STAMBPL1: variants seen among roughly 807,000 people sequenced by gnomAD.
STAMBPL1 encodes AMSH-like protease.
In STAMBPL1, 44 loss-of-function variants were observed where a neutral mutation model predicts 52.9. The ratio of observed to expected loss-of-function variants is 0.83; its 90% CI spans 0.65 to 1.07. STAMBPL1 has a LOEUF of 1.07. STAMBPL1 is among the 50% of genes least tolerant of loss of function. The pLI, the probability that STAMBPL1 is intolerant of heterozygous loss-of-function variation, is 0.00. For missense variants in STAMBPL1, 511 were observed against 520.8 expected, an observed-to-expected ratio of 0.98 and a Z score of 0.18; for synonymous variants, 164 against 177.3, an observed-to-expected ratio of 0.92 and a Z score of 0.60.
chr10:88,898,060 GT>G (rs1362174464), intron 1 of STAMBPL1, among the ~76,000 whole-genome samples: 1 of 152,094 alleles, frequency 6.6e-6, no homozygotes, highest in Admixed American at 6.5e-5. Flanking sequence ...AGCATAGTGA[GT>G]TTTTGTTTTG....
chr10:88,894,078 C>G (rs557304063), intron 1 of STAMBPL1, among the ~76,000 whole-genome samples: 1 of 152,212 alleles, frequency 6.6e-6, no homozygotes, highest in African/African-American at 2.4e-5. Context: ...TGAGTGTTTC[C>G]TGGCACCAAG....
Position 88,910,961 on chromosome 10 carries a change from G to A in STAMBPL1, c.370G>A (p.Asp124Asn), listed in dbSNP as rs1330940358. ...CCCAAGGACAGATGAATTGAAAAAC[G>A]ACCTTTTAAAGAAATATAACGTAGA... is the stretch of plus-strand genomic sequence containing the variant. The part of the protein sequence containing the change: ...AFPRTDELKN[D>N]LLKKYNVEYQ... The change falls in exon 5 of 11, where the codon GAC becomes AAC. Residue 124 changes from aspartate to asparagine, a missense_variant. Asp to Asn is a conservative substitution (Grantham distance 23). Coordinates refer to ENST00000371926, the MANE Select transcript of STAMBPL1 (RefSeq NM_020799.4). 7 of 1,597,748 alleles carry A rather than the reference G, an allele frequency of 4.4e-6. No homozygotes were observed. Among genetic ancestry groups the A allele is most frequent in the South Asian group, 2.3e-5 (2 of 85,844 alleles).
chr10:88,915,542 C>T (rs900665267), intron 7 of STAMBPL1, among the ~76,000 whole-genome samples: 2 of 152,174 alleles, frequency 1.3e-5, no homozygotes, highest in Admixed American at 1.3e-4. Flanking sequence ...ACCCCCACAT[C>T]GTGTTGTATT....
chr10:88,908,860 T>C, intron 4 of STAMBPL1, 83 bp downstream of exon 4: 2 of 1,125,284 alleles, frequency 1.8e-6, no homozygotes, highest in Non-Finnish European at 2.5e-6. Context: ...TTCCTCCCCT[T>C]TCTCTTTCTC....
intron 1 of STAMBPL1, among the ~76,000 whole-genome samples, chr10:88,894,561 GCACACCTAGT>G (rs528704583): frequency 1.9e-3 from 293 of 152,310 alleles, no homozygotes; most frequent in African/African-American, 6.7e-3. Context: ...CTCTCCTGAT[GCACACCTAGT>G]CTATACTTTC....
chr10:88,919,697 A>G (rs1412790704), intron 8 of STAMBPL1, among the ~76,000 whole-genome samples: 1 of 152,182 alleles, frequency 6.6e-6, no homozygotes, highest in Non-Finnish European at 1.5e-5. Context: ...GCATTTTAAA[A>G]GTTAGGATAA....
intron 9 of STAMBPL1, among the ~76,000 whole-genome samples, chr10:88,921,916 T>C (rs1845522357): frequency 6.6e-6 from 1 of 152,192 alleles, no homozygotes; most frequent in Admixed American, 6.5e-5. Flanking sequence ...TGAAATTAGA[T>C]AATAGTTTAT....
intron 2 of STAMBPL1, among the ~76,000 whole-genome samples, chr10:88,903,994 T>C (rs970309583): frequency 3.2e-4 from 48 of 152,200 alleles, no homozygotes; most frequent in African/African-American, 1.0e-3. Context: ...TTGGAAGAAC[T>C]CCAGATATCT....
At chr10:88,889,586 G>A (rs1844625930) in intron 1 of STAMBPL1, among the ~76,000 whole-genome samples, 2 of 151,932 alleles carry the variant, frequency 1.3e-5, no homozygotes, top group South Asian at 4.1e-4. Flanking sequence ...TTTACTTGTT[G>A]AAAAGATTTT....
Position 88,911,519 on chromosome 10 carries a change from A to C in STAMBPL1, c.420+508A>C, listed in dbSNP as rs555625511. Among the ~76,000 whole-genome samples the C allele has an allele frequency of 1.4e-4, 21 of 152,340 alleles. No homozygotes were observed. In the South Asian group the frequency reaches 4.1e-3, roughly 30 times the overall value. On this transcript the variant is annotated intron_variant, in intron 5 of 10. Transcript: ENST00000371926. ...AAGTGGTGGCTTCTGGATTGTTATTAATAAAGAGTGAACATTATGATAATG... is the reference window on the plus strand; with the variant it reads ...AAGTGGTGGCTTCTGGATTGTTATTCATAAAGAGTGAACATTATGATAATG...
intron 1 of STAMBPL1, among the ~76,000 whole-genome samples, chr10:88,899,872 C>G (rs963175848): frequency 2.0e-5 from 3 of 152,200 alleles, no homozygotes; most frequent in African/African-American, 7.2e-5. Flanking sequence ...TCCCCTCCCT[C>G]CCCGGCTTCA....
At chr10:88,905,215 A>G (rs530915136) in intron 2 of STAMBPL1, among the ~76,000 whole-genome samples, 2 of 152,116 alleles carry the variant, frequency 1.3e-5, no homozygotes, top group Non-Finnish European at 2.9e-5. Context: ...ATAAAACTGT[A>G]TGTTTACCTT....
At chr10:88,923,005 T>C (rs1686036182) in intron 10 of STAMBPL1, among the ~76,000 whole-genome samples, 163 bp from the exon 11 acceptor site, 1 of 152,158 alleles carries the variant, frequency 6.6e-6, no homozygotes, top group Admixed American at 6.6e-5. Context: ...TTTGTTGTTG[T>C]TGAAAATGAA....
intron 7 of STAMBPL1, among the ~76,000 whole-genome samples, chr10:88,914,893 A>C (rs1977388): frequency 0.19 from 28,814 of 152,024 alleles, 2,967 homozygotes; most frequent in African/African-American, 0.26. Context: ...TGTCCTAAAG[A>C]ATCAACCTAT....
At chr10:88,922,829 TGA>T (rs1203392531) in intron 10 of STAMBPL1, among the ~76,000 whole-genome samples, 1 of 152,180 alleles carries the variant, frequency 6.6e-6, no homozygotes, top group Non-Finnish European at 1.5e-5. Flanking sequence ...ATGGAAACTA[TGA>T]TCATACTTCT....
At chr10:88,921,460 TC>T in intron 9 of STAMBPL1, 65 bp downstream of exon 9, 1 of 1,294,488 alleles carries the variant, frequency 7.7e-7, no homozygotes, top group Non-Finnish European at 1.1e-6. Context: ...TTCCTGTGTG[TC>T]CAGACACCAG....
At chr10:88,921,034 A>G (rs1835578051) in intron 8 of STAMBPL1, among the ~76,000 whole-genome samples, 1 of 152,204 alleles carries the variant, frequency 6.6e-6, no homozygotes, top group Admixed American at 6.5e-5. Context: ...ATTAATTTCC[A>G]GCTCTTTCTT....
intron 9 of STAMBPL1, among the ~76,000 whole-genome samples, chr10:88,921,764 G>A (rs1027345176): frequency 5.9e-5 from 9 of 152,138 alleles, no homozygotes; most frequent in African/African-American, 2.2e-4. Context: ...TTATTGTAGA[G>A]TAGTTATGAG....
intron 1 of STAMBPL1, among the ~76,000 whole-genome samples, chr10:88,881,540 C>G (rs1024256068): frequency 1.3e-5 from 2 of 152,104 alleles, no homozygotes; most frequent in African/African-American, 2.4e-5. Flanking sequence ...AACATGAAGT[C>G]CTGGATTTTA....
Sources: gnomAD v4.1 joint callset for allele counts (sites outside exome capture counted in the v4.1 genomes callset) on GRCh38, gnomAD v4.1.1 for gene constraint, MANE v1.5 for transcripts, NCBI Gene and HGNC (gene_info 2026-07-23, HGNC 2026-07-21) for gene names.